The following RBFOX3 variants were observed in gnomAD, a reference collection of about 807,000 sequenced individuals.
RBFOX3 encodes RNA binding protein fox-1 homolog 3.
Under a neutral mutation model 48.7 loss-of-function variants are expected in RBFOX3, and 17 were observed. The ratio of observed to expected loss-of-function variants is 0.35; its 90% CI spans 0.24 to 0.52. The LOEUF is 0.52. RBFOX3 is among the 20% of genes least tolerant of loss of function. The pLI is 0.94. For missense variants in RBFOX3, 382 were observed against 497.5 expected (o/e 0.77, Z 2.21); for synonymous variants, 212 against 209.5 (o/e 1.01, Z -0.10).
intron 2 of RBFOX3, among the ~76,000 whole-genome samples, chr17:79,371,146 C>A (rs2058485079): frequency 6.6e-6 from 1 of 152,232 alleles, no homozygotes; most frequent in African/African-American, 2.4e-5. Flanking sequence ...CCTGGGACCT[C>A]CTTCTCTGCC....
At chr17:79,422,126 G>A (rs1555722790) in intron 2 of RBFOX3, among the ~76,000 whole-genome samples, 1 of 152,102 alleles carries the variant, frequency 6.6e-6, no homozygotes, top group Non-Finnish European at 1.5e-5. Flanking sequence ...GGCCGGGGAG[G>A]AGAGGAGAGG....
intron 2 of RBFOX3, among the ~76,000 whole-genome samples, chr17:79,438,292 T>C (rs1317507349): frequency 3.3e-5 from 5 of 152,220 alleles, no homozygotes; most frequent in Admixed American, 2.0e-4. Flanking sequence ...CTGGGTTCTA[T>C]GTATCCTACT....
intron 3 of RBFOX3, among the ~76,000 whole-genome samples, chr17:79,302,409 G>A (rs2075450804): frequency 6.6e-6 from 1 of 152,220 alleles, no homozygotes; most frequent in South Asian, 2.1e-4. Context: ...GCCAGGTGTG[G>A]TGGCTCACAC....
At chr17:79,093,330 GA>G (rs2074360206) in intron 14 of RBFOX3, among the ~76,000 whole-genome samples, 1 of 151,938 alleles carries the variant, frequency 6.6e-6, no homozygotes, top group South Asian at 2.1e-4. Flanking sequence ...TGCAAGAGAA[GA>G]AAAATTGGGG....
At chr17:79,384,213 T>C (rs1162870941) in intron 2 of RBFOX3, among the ~76,000 whole-genome samples, 1 of 152,176 alleles carries the variant, frequency 6.6e-6, no homozygotes, top group Non-Finnish European at 1.5e-5. Flanking sequence ...CCTCCAGGAC[T>C]CACTCTGGGG....
At chr17:79,498,183 T>C (rs2081841023) in intron 1 of RBFOX3, among the ~76,000 whole-genome samples, 1 of 152,198 alleles carries the variant, frequency 6.6e-6, no homozygotes, top group Non-Finnish European at 1.5e-5. Context: ...AGGGCCAGTT[T>C]TGGCCTTCAG....
At chr17:79,519,355 G>A (rs2085726384) in intron 1 of RBFOX3, among the ~76,000 whole-genome samples, 1 of 152,246 alleles carries the variant, frequency 6.6e-6, no homozygotes, top group African/African-American at 2.4e-5. Flanking sequence ...GGTGTGTCCT[G>A]CAAGTCCTAA....
intron 2 of RBFOX3, among the ~76,000 whole-genome samples, chr17:79,449,651 T>G (rs868966920): frequency 9.2e-5 from 1 of 10,906 alleles, no homozygotes; most frequent in Non-Finnish European, 3.8e-4. Flanking sequence ...ACACACACAC[T>G]TTGAGTCTGG....
At chr17:79,310,278 A>G (rs1267743494) in intron 2 of RBFOX3, among the ~76,000 whole-genome samples, 1 of 152,144 alleles carries the variant, frequency 6.6e-6, no homozygotes, top group Non-Finnish European at 1.5e-5. Context: ...CTGGGGGTTA[A>G]GTCCAGATTC....
At chr17:79,273,395 G>T (rs777121482) in intron 3 of RBFOX3, among the ~76,000 whole-genome samples, 2 of 152,194 alleles carry the variant, frequency 1.3e-5, no homozygotes, top group Non-Finnish European at 2.9e-5. Flanking sequence ...TCAGTCCAGG[G>T]CTGTGAGAAG....
chr17:79,157,755 C>T (rs539963166), intron 4 of RBFOX3, among the ~76,000 whole-genome samples: 1 of 152,314 alleles, frequency 6.6e-6, no homozygotes, highest in Non-Finnish European at 1.5e-5. Context: ...TGCCATGTTC[C>T]ACCCAGCTCG....
At chr17:79,664,299 C>T in the RBFOX3 span, among the ~76,000 whole-genome samples, 2 of 151,878 alleles carry the variant, frequency 1.3e-5, no homozygotes, top group African/African-American at 2.4e-5. Context: ...CTCAACCTCC[C>T]GAGTAGCTGG....
intron 4 of RBFOX3, among the ~76,000 whole-genome samples, chr17:79,202,918 C>T (rs1006067560): frequency 6.6e-6 from 1 of 152,178 alleles, no homozygotes; most frequent in South Asian, 2.1e-4. Flanking sequence ...CATGGAGCCC[C>T]GAGGGGCTAA....
At chr17:79,507,443 G>A (rs1319480042) in intron 1 of RBFOX3, among the ~76,000 whole-genome samples, 2 of 152,142 alleles carry the variant, frequency 1.3e-5, no homozygotes, top group Non-Finnish European at 2.9e-5. Flanking sequence ...GGCAGTCCCC[G>A]CCCCACATGT....
At chr17:79,534,523 G>C (rs1271786675) in intron 1 of RBFOX3, among the ~76,000 whole-genome samples, 11 of 152,178 alleles carry the variant, frequency 7.2e-5, no homozygotes, top group Non-Finnish European at 1.6e-4. Context: ...TCTGCCAGAC[G>C]CTCCCCAGGT....
chr17:79,291,232 A>G (rs549781043), intron 3 of RBFOX3, among the ~76,000 whole-genome samples: 9 of 152,354 alleles, frequency 5.9e-5, no homozygotes, highest in African/African-American at 1.7e-4. Context: ...GCATTAAACC[A>G]TAGGATCAAT....
rs1264885491 is a variant in RBFOX3, at chr17:79,497,557, CG to C, written c.-319-14960del. On this transcript the variant is annotated intron_variant, in intron 1 of 14. Coordinates refer to ENST00000693108, the MANE Select transcript of RBFOX3 (RefSeq NM_001350451.2). ...CAGTGGCAGGAAGGCCAGAAGCCACCGGTGTCCACACAAAGCCTGGCTCTTT... is the reference window on the plus strand; with the variant it reads ...CAGTGGCAGGAAGGCCAGAAGCCACCGTGTCCACACAAAGCCTGGCTCTTT... Among the ~76,000 whole-genome samples the C allele has an allele frequency of 7.2e-5, 11 of 152,330 alleles. 1 individual carries two copies. The highest frequency in any genetic ancestry group is 2.0e-4 in the Admixed American group (3 of 15,310).
chr17:79,344,124 G>A (rs2082510445), intron 2 of RBFOX3, among the ~76,000 whole-genome samples: 2 of 152,320 alleles, frequency 1.3e-5, no homozygotes, highest in Non-Finnish European at 2.9e-5. Flanking sequence ...AGGCAAATGG[G>A]ATGGATGATT....
the RBFOX3 span, among the ~76,000 whole-genome samples, chr17:79,620,323 A>G: frequency 6.7e-6 from 1 of 148,876 alleles, no homozygotes; most frequent in African/African-American, 2.5e-5. Context: ...ATATGTACAT[A>G]CACGCACGCA....
Sources: allele counts gnomAD v4.1 joint callset (sites outside exome capture counted in the v4.1 genomes callset), GRCh38; gene constraint gnomAD v4.1.1; transcripts MANE v1.5; gene names NCBI Gene and HGNC (gene_info 2026-07-23, HGNC 2026-07-21).